The following SPTBN1 variants were observed in gnomAD, a reference collection of about 807,000 sequenced individuals.
The protein encoded by SPTBN1 is spectrin beta, non-erythrocytic 1, also known as spectrin beta chain, non-erythrocytic 1.
A neutral mutation model predicts 266.4 loss-of-function variants in SPTBN1; 32 were observed. The observed-to-expected ratio is 0.12, with a 90% CI of 0.09 to 0.16. SPTBN1 has a LOEUF of 0.16. Ranked by LOEUF, SPTBN1 falls within the 10% of genes least tolerant of loss-of-function variation. The probability of loss-of-function intolerance (pLI) is 1.00; values close to 1 mark genes in which losing one functional copy is unlikely to be tolerated. For missense variants in SPTBN1, 2,296 were observed against 3,067.1 expected, an observed-to-expected ratio of 0.75 and a Z score of 5.94; for synonymous variants, 1,336 against 1,162.2, an observed-to-expected ratio of 1.15 and a Z score of -3.04.
Position 54,558,678 on chromosome 2 carries a change from G to A in SPTBN1, c.148+32112G>A. 6.5e-7 allele frequency: 1 copy of A among 1,532,878 alleles called. No homozygotes were observed. The highest frequency in any genetic ancestry group is 8.8e-7 in the Non-Finnish European group (1 of 1,136,690). The allele number at this position is 1,532,878 out of a possible 1,614,324, so 95.0% of individuals were successfully genotyped here. ...CAGACCGGAATGGGGCTCGCCTAAG[G>A]AGCCGAGCGCTGCGGAGGCTGCTGC... On this transcript the variant is annotated intron_variant, in intron 2 of 35. Transcript: ENST00000356805. The surrounding 1 kb of genome is among the most constrained non-coding windows in gnomAD (Gnocchi z 4.6).
intron 1 of SPTBN1, among the ~76,000 whole-genome samples, chr2:54,493,970 G>C (rs1668826482): frequency 6.6e-6 from 1 of 152,116 alleles, no homozygotes; most frequent in Admixed American, 6.5e-5. Context: ...GCAAAGAAAG[G>C]GTCCTCCTTC....
At chr2:54,578,777 T>TGTGA (rs1674676405) in intron 2 of SPTBN1, among the ~76,000 whole-genome samples, 4 of 150,362 alleles carry the variant, frequency 2.7e-5, no homozygotes. Context: ...TGTGTGTGTG[T>TGTGA]GATGATAATT....
intron 1 of SPTBN1, chr2:54,515,982 T>C (rs559326282): frequency 6.6e-6 from 1 of 152,342 alleles, no homozygotes; most frequent in East Asian, 1.9e-4. Context: ...CCATTGTGTA[T>C]GTACAAGGAG....
chr2:54,577,568 T>C (rs1485829162), intron 2 of SPTBN1, among the ~76,000 whole-genome samples: 1 of 152,248 alleles, frequency 6.6e-6, no homozygotes, highest in East Asian at 1.9e-4. Context: ...CAAAACTTCT[T>C]GATACTCCCC....
Position 54,628,099 on chromosome 2 carries a change from G to A in SPTBN1, c.1647G>A (p.Val549=), listed in dbSNP as rs1181992867. ...YIMDWMDEMK[V]LVLSQDYGKH... is the part of the protein sequence containing the mutation. ...TTTTGGTTGCTTCTTGTGCACAGGT[G>A]CTAGTATTGTCTCAAGACTATGGCA... The change falls in exon 13 of 36, where the codon GTG becomes GTA. Residue 549 remains valine (V), a splice_region_variant and synonymous_variant. Transcript: ENST00000356805. This position sits in a 1 kb window ranked among gnomAD's most constrained non-coding sequence, Gnocchi z 4.3. 6.2e-7 allele frequency: 1 copy of A among 1,611,246 alleles called. No homozygotes were observed. The highest frequency in any genetic ancestry group is 1.3e-5 in the African/African-American group (1 of 74,894).
chr2:54,558,909 G>A lies in SPTBN1; in HGVS notation c.148+32343G>A, dbSNP rs1336670036. 1 of 1,609,470 alleles carries A rather than the reference G, an allele frequency of 6.2e-7. No individual in the cohort carries two copies. Among genetic ancestry groups the A allele is most frequent in the Non-Finnish European group, 8.5e-7 (1 of 1,177,710 alleles). On this transcript the variant is annotated intron_variant, in intron 2 of 35. Transcript: ENST00000356805. This position sits in a 1 kb window ranked among gnomAD's most constrained non-coding sequence, Gnocchi z 4.6. ...CAAGGTAAGCCCCCTCCCAAAGGCC[G>A]GGCCTGTCCTGGGTGCCAACGGGGG...
At chr2:54,660,440 TA>T in intron 32 of SPTBN1, 1 of 1,039,634 alleles carries the variant, frequency 9.6e-7, no homozygotes. Flanking sequence ...CAGGGCACAG[TA>T]CTGTGCTATA....
chr2:54,578,550 C>G (rs1419468929), intron 2 of SPTBN1, among the ~76,000 whole-genome samples: 1 of 152,202 alleles, frequency 6.6e-6, no homozygotes, highest in Non-Finnish European at 1.5e-5. Flanking sequence ...TTCCCCATAG[C>G]AGATATAAAA....
chr2:54,549,412 G>A (rs1199773329), intron 2 of SPTBN1, among the ~76,000 whole-genome samples: 1 of 151,662 alleles, frequency 6.6e-6, no homozygotes, highest in Non-Finnish European at 1.5e-5. Context: ...GTAAGATTCT[G>A]TTGTATGTAT....
intron 33 of SPTBN1, among the ~76,000 whole-genome samples, chr2:54,665,409 G>A (rs931827356): frequency 4.6e-5 from 7 of 152,182 alleles, no homozygotes; most frequent in Admixed American, 4.6e-4. Flanking sequence ...CCATACCATA[G>A]GGGAAAAGCC....
At position 54,657,829 on chromosome 2, in the gene SPTBN1, AACTC is replaced by A; in HGVS notation, c.6047-19_6047-16del. 6.2e-7 allele frequency: 1 copy of A among 1,614,012 alleles called. No homozygotes were observed. Among genetic ancestry groups the A allele is most frequent in the South Asian group, 1.1e-5 (1 of 91,066 alleles). The stretch of plus-strand genomic sequence containing the variant: ...CGGCACCTCCTGGTCAACGTGTACT[AACTC>A]ATGGTACCCTGTGCAGTTCTGGAGG... On this transcript the variant is annotated splice_polypyrimidine_tract_variant and intron_variant, in intron 29 of 35. Coordinates refer to ENST00000356805, the MANE Select transcript of SPTBN1 (RefSeq NM_003128.3).
intron 3 of SPTBN1, among the ~76,000 whole-genome samples, chr2:54,602,710 GA>G (rs1200570076): frequency 1.3e-5 from 2 of 152,146 alleles, no homozygotes; most frequent in African/African-American, 4.8e-5. Flanking sequence ...GAAAGCAACA[GA>G]AAAGAGTGTG....
At chr2:54,638,865 T>C (rs969113233) in intron 18 of SPTBN1, among the ~76,000 whole-genome samples, 1 of 152,208 alleles carries the variant, frequency 6.6e-6, no homozygotes, top group Non-Finnish European at 1.5e-5. Flanking sequence ...TGTGTGACTG[T>C]GCATTAAAAG....
intron 24 of SPTBN1, 60 bp from the exon 25 acceptor site, chr2:54,648,926 C>A: frequency 6.8e-7 from 1 of 1,461,234 alleles, no homozygotes; most frequent in South Asian, 1.3e-5. Flanking sequence ...TTTGTTTTTC[C>A]CCTGAAGAAA....
intron 1 of SPTBN1, among the ~76,000 whole-genome samples, chr2:54,460,569 C>A (rs1354163511): frequency 6.6e-6 from 1 of 152,214 alleles, no homozygotes; most frequent in East Asian, 1.9e-4. Context: ...CCTCTCTGCT[C>A]CCTCTGCTCT....
chr2:54,492,997 A>G (rs898273680), intron 1 of SPTBN1, among the ~76,000 whole-genome samples: 10 of 143,932 alleles, frequency 6.9e-5, no homozygotes, highest in East Asian at 2.0e-4. Context: ...ACTAAATAAC[A>G]TATCTTTTTT....
In SPTBN1 at chr2:54,558,035, C is replaced by T; in HGVS notation, c.148+31469C>T. 5 of 985,450 alleles carry T rather than the reference C, an allele frequency of 5.1e-6. No homozygotes were observed. The highest frequency in any genetic ancestry group is 9.4e-5 in the South Asian group (2 of 21,288). 61.0% of individuals were successfully genotyped at this position (985,450 alleles called of 1,614,324 possible). A position where few individuals can be genotyped will look rare whatever the true frequency, so the allele number is the denominator to read the frequency against. On this transcript the variant is annotated intron_variant, in intron 2 of 35. Transcript: ENST00000356805. This position sits in a 1 kb window ranked among gnomAD's most constrained non-coding sequence, Gnocchi z 4.6. ...CGGGACCCTTGGGGCTCTTCACTCT[C>T]CAGGCCGTCCCGTGGGCGCGCTAGC... is the stretch of plus-strand genomic sequence containing the variant.
Position 54,668,667 on chromosome 2 carries a change from C to A in SPTBN1, c.*98C>A. 8.5e-7 allele frequency: 1 copy of A among 1,170,510 alleles called. No homozygotes were observed. Among genetic ancestry groups the A allele is most frequent in the Non-Finnish European group, 1.2e-6 (1 of 839,634 alleles). 72.5% of individuals were successfully genotyped at this position (1,170,510 alleles called of 1,614,324 possible). On this transcript the variant is annotated 3_prime_UTR_variant, in exon 36 of 36. Coordinates refer to ENST00000356805, the MANE Select transcript of SPTBN1 (RefSeq NM_003128.3). ...ACATTACTCTCTGTGCCTAATGTTC[C>A]TCAATGTGGTTGATTTTTTTTTTTT...
chr2:54,558,270 G>T lies in SPTBN1; in HGVS notation c.148+31704G>T. 1.0e-6 allele frequency: 1 copy of T among 985,332 alleles called. No individual in the cohort carries two copies. The highest frequency in any genetic ancestry group is 1.2e-6 in the Non-Finnish European group (1 of 829,938). 61.0% of individuals were successfully genotyped at this position (985,332 alleles called of 1,614,324 possible). ...GCTAGGCTCCCCCGCGCCCCTCCTC[G>T]TGGTATAGCCTGCATTTCTAATACA... On this transcript the variant is annotated intron_variant, in intron 2 of 35. Transcript: ENST00000356805. This position sits in a 1 kb window ranked among gnomAD's most constrained non-coding sequence, Gnocchi z 4.6.
Sources: allele counts gnomAD v4.1 joint callset (sites outside exome capture counted in the v4.1 genomes callset), GRCh38; gene constraint gnomAD v4.1.1; non-coding constraint Gnocchi (gnomAD v3.1); transcripts MANE v1.5; gene names NCBI Gene and HGNC (gene_info 2026-07-23, HGNC 2026-07-21).